The following ABCE1 variants were observed in gnomAD, a reference collection of about 807,000 sequenced individuals.
ABCE1 encodes the protein ATP-binding cassette sub-family E member 1.
In ABCE1, 22 loss-of-function variants were observed where a neutral mutation model predicts 83.4. That is an observed-to-expected ratio of 0.26 (90% CI 0.19 to 0.38). The LOEUF (loss-of-function observed/expected upper bound fraction) is 0.38, where lower values mean the gene tolerates loss of function less well. Ranked by LOEUF, ABCE1 falls within the 10% of genes least tolerant of loss-of-function variation. The pLI is 1.00. For synonymous variants in ABCE1, 204 were observed against 233.7 expected (o/e 0.87, Z 1.16); for missense variants, 330 against 721.9 (o/e 0.46, Z 6.22).
At position 145,108,231 on chromosome 4, in the gene ABCE1, C is replaced by T. The variant is rs2126702592; in HGVS notation, c.287+119C>T. On this transcript the variant is annotated intron_variant, in intron 4 of 17. Transcript: ENST00000296577. ...ATTAACCAGTCACTAAAGGAAAATACAATATTATAACATCATGCAGAATCA... is the reference window on the plus strand; with the variant it reads ...ATTAACCAGTCACTAAAGGAAAATATAATATTATAACATCATGCAGAATCA... 3.6e-6 allele frequency: 3 copies of T among 840,028 alleles called. No individual in the cohort carries two copies. The East Asian group carries it at 7.8e-5, about 22-fold the overall frequency. 52.0% of individuals were successfully genotyped at this position (840,028 alleles called of 1,614,324 possible). A position where few individuals can be genotyped will look rare whatever the true frequency, so the allele number is the denominator to read the frequency against.
chr4:145,099,788 G>A (rs33982238), intron 1 of ABCE1, among the ~76,000 whole-genome samples: 1 of 152,260 alleles, frequency 6.6e-6, no homozygotes, highest in Non-Finnish European at 1.5e-5. Flanking sequence ...TTTACACAGC[G>A]TTACAATTAT....
In ABCE1 at chr4:145,117,252, G is replaced by C. The variant is rs150945648; in HGVS notation, c.801-41G>C. ...CTGAAATTTCCAACTATTAAAAATA[G>C]TTATGTAAGAGTTTTAACTAAAATC... On this transcript the variant is annotated intron_variant, in intron 9 of 17. Transcript: ENST00000296577. 1,129 of 1,535,560 alleles carry C rather than the reference G, an allele frequency of 7.4e-4. 12 individuals are homozygous for C. The African/African-American group carries it at 0.013, about 18-fold the overall frequency.
At chr4:145,109,465 G>A (rs910009351) in intron 5 of ABCE1, among the ~76,000 whole-genome samples, 1 of 152,118 alleles carries the variant, frequency 6.6e-6, no homozygotes, top group African/African-American at 2.4e-5. Context: ...TTGATCTGAA[G>A]CAGAATTCTG....
intron 10 of ABCE1, among the ~76,000 whole-genome samples, 166 bp from the exon 11 acceptor site, chr4:145,119,766 T>C (rs1184914590): frequency 6.6e-6 from 1 of 151,892 alleles, no homozygotes; most frequent in Non-Finnish European, 1.5e-5. Flanking sequence ...TTATTTAAAC[T>C]TACATTAAAT....
intron 10 of ABCE1, 82 bp from the exon 11 acceptor site, chr4:145,119,850 T>C: frequency 4.2e-6 from 4 of 942,512 alleles, no homozygotes; most frequent in Non-Finnish European, 6.6e-6. Flanking sequence ...ATTTAAAGTA[T>C]ATAGTCTATA....
In ABCE1 at chr4:145,098,352, C is replaced by T. The variant is rs1342886349; in HGVS notation, c.-95C>T. 1 of 152,502 alleles carries T rather than the reference C, an allele frequency of 6.6e-6. No homozygotes were observed. Among genetic ancestry groups the T allele is most frequent in the Non-Finnish European group, 1.5e-5 (1 of 68,252 alleles). The allele number at this position is 152,502 out of a possible 1,614,324, so 9.4% of individuals were successfully genotyped here. On this transcript the variant is annotated 5_prime_UTR_variant, in exon 1 of 18. Transcript: ENST00000296577. The stretch of plus-strand genomic sequence containing the variant: ...GTGGCCGTGAGAACACGCTGTGTGG[C>T]TGAAAAGTGAAGGCAAGAGCTGATT...
chr4:145,102,191 A>G (rs773029787), intron 1 of ABCE1, among the ~76,000 whole-genome samples: 1 of 152,232 alleles, frequency 6.6e-6, no homozygotes, highest in Non-Finnish European at 1.5e-5. Flanking sequence ...TGTTTTAGCC[A>G]TGTGAAGAAC....
chr4:145,127,894 C>T lies in ABCE1; in HGVS notation c.*321C>T, dbSNP rs1188635470. On this transcript the variant is annotated 3_prime_UTR_variant, in exon 18 of 18. Transcript: ENST00000296577. ...TGTATTATATTCACGGTACCAAATG[C>T]TGACCAGTGTTGCTCCATTTTTTAA... 5.1e-6 allele frequency: 1 copy of T among 196,862 alleles called. No homozygotes were observed. Among genetic ancestry groups the T allele is most frequent in the Non-Finnish European group, 1.0e-5 (1 of 98,194 alleles). 12.2% of individuals were successfully genotyped at this position (196,862 alleles called of 1,614,324 possible).
chr4:145,110,693 T>G (rs938817742), intron 7 of ABCE1: 17 of 544,804 alleles, frequency 3.1e-5, no homozygotes, highest in Admixed American at 6.8e-5. Context: ...GTCAGGCTGG[T>G]CTCGAACTCC....
chr4:145,121,292 T>C (rs2126712918), intron 12 of ABCE1, 41 bp from the exon 13 acceptor site: 1 of 1,612,224 alleles, frequency 6.2e-7, no homozygotes, highest in East Asian at 2.2e-5. Flanking sequence ...TTTAAAGATC[T>C]GGGCAGTTTT....
At chr4:145,103,074 C>T (rs1303703971) in intron 1 of ABCE1, among the ~76,000 whole-genome samples, 2 of 152,128 alleles carry the variant, frequency 1.3e-5, no homozygotes, top group Admixed American at 6.5e-5. Context: ...ATCTGGTGGT[C>T]ACTACTAACT....
At chr4:145,102,604 CTA>C (rs1211948506) in intron 1 of ABCE1, among the ~76,000 whole-genome samples, 3 of 151,626 alleles carry the variant, frequency 2.0e-5, no homozygotes, top group Non-Finnish European at 4.4e-5. Flanking sequence ...ATTTTCAGCT[CTA>C]TGTGTGCAGG....
At chr4:145,108,151 A>AG in intron 4 of ABCE1, 39 bp downstream of exon 4, 7 of 1,562,458 alleles carry the variant, frequency 4.5e-6, no homozygotes, top group Non-Finnish European at 6.2e-6. Flanking sequence ...TGTCAAGTTA[A>AG]GAGTAAAATA....
In ABCE1 at chr4:145,127,507, C is replaced by CT. The variant is rs780769294; in HGVS notation, c.1753-17dup. 1 of 1,579,476 alleles carries CT rather than the reference C, an allele frequency of 6.3e-7. No individual in the cohort carries two copies. On this transcript the variant is annotated intron_variant, in intron 17 of 17. Transcript: ENST00000296577. ...AGAATCGTGTTGCTGATTTTTGTGG[C>CT]TTCTGTTTTCTTTTTTAGGATGTAG...
At chr4:145,098,489 T>C (rs948751328) in intron 1 of ABCE1, 70 bp downstream of exon 1, 1 of 152,374 alleles carries the variant, frequency 6.6e-6, no homozygotes, top group African/African-American at 2.4e-5. Context: ...TGTAGGGACG[T>C]TCTCCGAGAG....
intron 4 of ABCE1, 141 bp from the exon 5 acceptor site, chr4:145,108,991 C>G: frequency 3.4e-6 from 2 of 588,052 alleles, no homozygotes; most frequent in Non-Finnish European, 5.9e-6. Context: ...TCCTAATAGC[C>G]AGTAATATCT....
Position 145,105,506 on chromosome 4 carries a change from T to G in ABCE1, c.104-99T>G, listed in dbSNP as rs1267642722. On this transcript the variant is annotated intron_variant, in intron 2 of 17. Transcript: ENST00000296577. The stretch of plus-strand genomic sequence containing the variant: ...GTGGCCTTTGTTTTTGAAAATCTGC[T>G]TCTGTATGGAAATTTAGAACCAGCA... 3.9e-6 allele frequency: 3 copies of G among 770,848 alleles called. No individual in the cohort carries two copies. The East Asian group carries it at 8.0e-5, about 21-fold the overall frequency. 47.8% of individuals were successfully genotyped at this position (770,848 alleles called of 1,614,324 possible).
rs1028342998 is a variant in ABCE1, at chr4:145,128,974, G to C, written c.*1401G>C. On this transcript the variant is annotated 3_prime_UTR_variant, in exon 18 of 18. Coordinates refer to ENST00000296577, the MANE Select transcript of ABCE1 (RefSeq NM_002940.3). ...TTTATTACCCTCCCAAAGGTTACCAGCGTTTGAATTTAATAATGTATATTC... is the reference window on the plus strand; with the variant it reads ...TTTATTACCCTCCCAAAGGTTACCACCGTTTGAATTTAATAATGTATATTC... The C allele has an allele frequency of 6.6e-6, 1 of 152,108 alleles. No homozygotes were observed. The highest frequency in any genetic ancestry group is 6.5e-5 in the Admixed American group (1 of 15,278). The allele number at this position is 152,108 out of a possible 1,614,324, so 9.4% of individuals were successfully genotyped here.
intron 1 of ABCE1, among the ~76,000 whole-genome samples, chr4:145,099,341 G>T (rs956129405): frequency 6.6e-6 from 1 of 152,190 alleles, no homozygotes; most frequent in African/African-American, 2.4e-5. Flanking sequence ...CAACAGGACT[G>T]CTAACTAGTC....
Sources: allele counts gnomAD v4.1 joint callset (sites outside exome capture counted in the v4.1 genomes callset), GRCh38; gene constraint gnomAD v4.1.1; transcripts MANE v1.5; gene names NCBI Gene and HGNC (gene_info 2026-07-23, HGNC 2026-07-21).